The following MCUB variants were observed in gnomAD, a reference collection of about 807,000 sequenced individuals.
MCUB encodes the protein calcium uniporter regulatory subunit MCUb, mitochondrial.
A neutral mutation model predicts 41.4 loss-of-function variants in MCUB; 46 were observed. The ratio of observed to expected loss-of-function variants is 1.11; its 90% CI spans 0.88 to 1.42. MCUB has a LOEUF of 1.42. Among genes scored for constraint, MCUB ranks in the 40% most tolerant of loss-of-function variants. The pLI is 0.00. For missense variants in MCUB, 403 were observed against 404.9 expected, an observed-to-expected ratio of 1.00 and a Z score of 0.04; for synonymous variants, 148 against 148.2, an observed-to-expected ratio of 1.00 and a Z score of 0.01.
intron 1 of MCUB, among the ~76,000 whole-genome samples, chr4:109,572,452 A>C (rs1261485740): frequency 2.0e-5 from 3 of 152,244 alleles, no homozygotes; most frequent in Non-Finnish European, 4.4e-5. Context: ...TATCTGGTAC[A>C]TTAATTTAGT....
intron 1 of MCUB, among the ~76,000 whole-genome samples, chr4:109,565,553 T>C (rs1331025736): frequency 6.6e-6 from 1 of 152,176 alleles, no homozygotes; most frequent in Non-Finnish European, 1.5e-5. Context: ...AGCGAGCTGG[T>C]GTGTGTTTAA....
intron 1 of MCUB, among the ~76,000 whole-genome samples, chr4:109,580,515 A>G (rs1255711504): frequency 6.6e-6 from 1 of 152,116 alleles, no homozygotes; most frequent in African/African-American, 2.4e-5. Flanking sequence ...AAGCGTTCCT[A>G]TTTCTCCACA....
chr4:109,665,018 C>T (rs758281376), intron 4 of MCUB, among the ~76,000 whole-genome samples: 8 of 152,140 alleles, frequency 5.3e-5, no homozygotes, highest in Non-Finnish European at 1.0e-4. Context: ...AGAGAGTTCC[C>T]ATATGCTCTC....
chr4:109,625,228 G>A (rs935792084), intron 1 of MCUB, among the ~76,000 whole-genome samples: 2 of 152,080 alleles, frequency 1.3e-5, no homozygotes, highest in African/African-American at 4.8e-5. Context: ...AACAAGTATC[G>A]ATGCCCCAGT....
intron 1 of MCUB, among the ~76,000 whole-genome samples, chr4:109,569,629 A>G (rs1025364100): frequency 3.4e-5 from 5 of 146,380 alleles, no homozygotes; most frequent in Admixed American, 1.4e-4. Flanking sequence ...TCAGCCTCCC[A>G]AGTAGCTGGG....
chr4:109,665,752 C>T (rs1181137308), intron 4 of MCUB, among the ~76,000 whole-genome samples: 3 of 152,028 alleles, frequency 2.0e-5, no homozygotes, highest in Non-Finnish European at 4.4e-5. Flanking sequence ...AGATGCAGAA[C>T]CCACAAATAA....
chr4:109,596,878 G>A (rs1033401207), intron 1 of MCUB, among the ~76,000 whole-genome samples: 1 of 151,486 alleles, frequency 6.6e-6, no homozygotes, highest in African/African-American at 2.4e-5. Context: ...AGGACCCTGC[G>A]GCCTTCCGCA....
chr4:109,564,609 C>T (rs1726729983), intron 1 of MCUB, among the ~76,000 whole-genome samples: 1 of 152,136 alleles, frequency 6.6e-6, no homozygotes, highest in Non-Finnish European at 1.5e-5. Context: ...AATCTGTTCC[C>T]TAAAGAGCTG....
intron 1 of MCUB, among the ~76,000 whole-genome samples, chr4:109,599,692 A>C (rs1471530675): frequency 6.6e-6 from 1 of 151,376 alleles, no homozygotes; most frequent in Non-Finnish European, 1.5e-5. Flanking sequence ...TTTTTTTAAG[A>C]CAGAATCTCG....
intron 1 of MCUB, among the ~76,000 whole-genome samples, chr4:109,639,362 T>TTC (rs1561236676): frequency 1.3e-5 from 2 of 151,610 alleles, no homozygotes; most frequent in African/African-American, 2.4e-5. Context: ...TTTTTTTTTT[T>TTC]CCCCCTGAGC....
chr4:109,648,783 C>T (rs1201720038), intron 1 of MCUB: 1 of 314,312 alleles, frequency 3.2e-6, no homozygotes, highest in Admixed American at 5.0e-5. Context: ...TACAAAAGAT[C>T]ATGATGCACC....
chr4:109,684,616 C>G lies in MCUB; in HGVS notation c.786C>G (p.Val262=), dbSNP rs779090173. 6.4e-7 allele frequency: 1 copy of G among 1,561,376 alleles called. No homozygotes were observed. The highest frequency in any genetic ancestry group is 1.7e-5 in the Admixed American group (1 of 59,834). Residue 262 remains valine (V), a synonymous_variant, in exon 6 of 8, where the codon GTC becomes GTG. Coordinates refer to ENST00000394650, the MANE Select transcript of MCUB (RefSeq NM_017918.5). The part of the protein sequence containing the change: ...TYFITFANSM[V]FFAYFIVTRQ... ...TCATCACATTTGCAAATTCTATGGTCTTTTTTGCATACTTTATAGTCACTC... is the reference window on the plus strand; with the variant it reads ...TCATCACATTTGCAAATTCTATGGTGTTTTTTGCATACTTTATAGTCACTC...
rs148431248 is a variant in MCUB at position 109,583,187 on chromosome 4, A to T, written c.99+22751A>T. ...CATTTTCATGATACTGATTCTTCCTATCCATGGGCATGGAATATTCTTCCA... is the reference window on the plus strand; with the variant it reads ...CATTTTCATGATACTGATTCTTCCTTTCCATGGGCATGGAATATTCTTCCA... On this transcript the variant is annotated intron_variant, in intron 1 of 7. Coordinates refer to ENST00000394650, the MANE Select transcript of MCUB (RefSeq NM_017918.5). 3.5e-3 allele frequency among the ~76,000 whole-genome samples: 537 copies of T among 152,186 alleles called. 7 individuals carry two copies. Among genetic ancestry groups the T allele is most frequent in the East Asian group, 0.013 (70 of 5,188 alleles).
At chr4:109,617,909 G>C (rs1264920107) in intron 1 of MCUB, among the ~76,000 whole-genome samples, 1 of 152,162 alleles carries the variant, frequency 6.6e-6, no homozygotes, top group East Asian at 1.9e-4. Context: ...AATAAGAGTA[G>C]CTTCTCTTTA....
At position 109,658,991 on chromosome 4, in the gene MCUB, T is replaced by C. The variant is rs1279329963; in HGVS notation, c.100-20T>C. The C allele has an allele frequency of 7.1e-7, 1 of 1,407,118 alleles. No individual in the cohort carries two copies. The highest frequency in any genetic ancestry group is 2.0e-5 in the Admixed American group (1 of 50,544). The allele number at this position is 1,407,118 out of a possible 1,614,324, so 87.2% of individuals were successfully genotyped here. ...CCCACTCTTTTTTTAAAAAAACAAA[T>C]TAATTTTTCCTTCTTGTAGGTTTTG... is the stretch of plus-strand genomic sequence containing the variant. On this transcript the variant is annotated intron_variant, in intron 1 of 7. Transcript: ENST00000394650.
At chr4:109,594,512 C>T (rs563567069) in intron 1 of MCUB, among the ~76,000 whole-genome samples, 28 of 152,184 alleles carry the variant, frequency 1.8e-4, no homozygotes, top group African/African-American at 4.6e-4. Flanking sequence ...AAAAGTTAGC[C>T]GGGTGTGGTG....
intron 1 of MCUB, among the ~76,000 whole-genome samples, chr4:109,656,972 C>T (rs1039764403): frequency 8.5e-5 from 13 of 152,248 alleles, no homozygotes; most frequent in South Asian, 4.1e-4. Flanking sequence ...GTAATCCCAG[C>T]GCTTCGGGAG....
chr4:109,680,693 A>T (rs1729696011), intron 4 of MCUB, among the ~76,000 whole-genome samples: 1 of 152,198 alleles, frequency 6.6e-6, no homozygotes, highest in African/African-American at 2.4e-5. Flanking sequence ...GCAGTCTTGA[A>T]TTGGGTAGTG....
At chr4:109,662,575 G>A (rs1729252252) in intron 3 of MCUB, among the ~76,000 whole-genome samples, 1 of 152,110 alleles carries the variant, frequency 6.6e-6, no homozygotes, top group African/African-American at 2.4e-5. Context: ...CCCTATCGGG[G>A]GTTTAAATTG....
Sources: gnomAD v4.1 joint callset for allele counts (sites outside exome capture counted in the v4.1 genomes callset) on GRCh38, gnomAD v4.1.1 for gene constraint, MANE v1.5 for transcripts, NCBI Gene and HGNC (gene_info 2026-07-23, HGNC 2026-07-21) for gene names.